ELMO3: variants seen among roughly 807,000 people sequenced by gnomAD.
ELMO3 encodes the protein engulfment and cell motility 3, also known as engulfment and cell motility protein 3.
In ELMO3, 81 loss-of-function variants were observed where a neutral mutation model predicts 89.0. The observed-to-expected ratio is 0.91, with a 90% CI of 0.76 to 1.09. The LOEUF (loss-of-function observed/expected upper bound fraction) is 1.09, where lower values mean the gene tolerates loss of function less well. Ranked by LOEUF, ELMO3 falls within the 50% of genes least tolerant of loss-of-function variation. ELMO3 has a pLI of 0.00. For synonymous variants in ELMO3, 406 were observed against 400.6 expected (o/e 1.01, Z -0.16); for missense variants, 959 against 972.8 (o/e 0.99, Z 0.19).
At chr16:67,200,384 T>C (rs760944768) in intron 5 of ELMO3, 23 bp downstream of exon 5, 12 of 1,612,272 alleles carry the variant, frequency 7.4e-6, no homozygotes, top group Non-Finnish European at 1.0e-5. Context: ...ATGTGTGGGC[T>C]GGGGGAGATG....
At chr16:67,199,845 C>T (rs556059246) in intron 3 of ELMO3, 89 bp downstream of exon 3, 2 of 1,603,036 alleles carry the variant, frequency 1.2e-6, no homozygotes, top group East Asian at 2.2e-5. Flanking sequence ...ATCCCACTAC[C>T]GGAGCGCGAT....
chr16:67,203,504 A>T lies in ELMO3; in HGVS notation c.1871A>T (p.Tyr624Phe). The change falls in exon 19 of 20, where the codon TAT becomes TTT. Residue 624 changes from tyrosine to phenylalanine, a missense_variant. Coordinates refer to ENST00000393997, the MANE Select transcript of ELMO3 (RefSeq NM_024712.5). This position sits in a 1 kb window ranked among gnomAD's most constrained non-coding sequence, Gnocchi z 4.6. ...GCTCCCTTGCTTCCCCAGGACCTCT[A>T]TGAGTTGGCCTTCTCAATCAGCTAT... is the stretch of plus-strand genomic sequence containing the variant. ...KGSGKQNKDL[Y>F]ELAFSISYDR... 6.2e-7 allele frequency: 1 copy of T among 1,612,736 alleles called. No homozygotes were observed. Among genetic ancestry groups the T allele is most frequent in the Non-Finnish European group, 8.5e-7 (1 of 1,179,696 alleles).
In ELMO3 at chr16:67,203,830, C is replaced by A; in HGVS notation, c.2116C>A (p.Pro706Thr). Residue 706 changes from proline to threonine, a missense_variant, in exon 20 of 20, where the codon CCC (proline) becomes ACC (threonine). By Grantham distance (38) the Pro-to-Thr change is conservative. Transcript: ENST00000393997. The surrounding 1 kb of genome is among the most constrained non-coding windows in gnomAD (Gnocchi z 4.6). Reference sequence around the variant, plus strand: ...GCGGCCACCCCCTGTGCCCCCACCCCCCACCAACTTCAACTTCTGCTATGA... The same window carrying A: ...GCGGCCACCCCCTGTGCCCCCACCCACCACCAACTTCAACTTCTGCTATGA... ...PERPPPVPPP[P>T]TNFNFCYDCS... The A allele has an allele frequency of 6.2e-7, 1 of 1,604,848 alleles. No homozygotes were observed. Among genetic ancestry groups the A allele is most frequent in the Admixed American group, 1.7e-5 (1 of 59,682 alleles).
At chr16:67,201,053 T>TC (rs1265725943) in intron 8 of ELMO3, 85 bp downstream of exon 8, 2 of 1,397,792 alleles carry the variant, frequency 1.4e-6, no homozygotes, top group African/African-American at 3.0e-5. Flanking sequence ...GCCCCCCTTT[T>TC]TTTTTTTTTT....
Position 67,202,461 on chromosome 16 carries a change from C to A in ELMO3, c.1326C>A (p.Leu442=). The change falls in exon 14 of 20, where the codon CTC becomes CTA. Residue 442 remains leucine (L), a synonymous_variant. Coordinates refer to ENST00000393997, the MANE Select transcript of ELMO3 (RefSeq NM_024712.5). ...GCCAAGACCAGAGCTTCCACGAGCTCTTCTGTGTGGGCATCCAGCTGTTGA... is the reference window on the plus strand; with the variant it reads ...GCCAAGACCAGAGCTTCCACGAGCTATTCTGTGTGGGCATCCAGCTGTTGA... ...FFGQDQSFHE[L]FCVGIQLLNK... The A allele has an allele frequency of 5.0e-6, 8 of 1,613,588 alleles. No individual in the cohort carries two copies. Among genetic ancestry groups the A allele is most frequent in the Non-Finnish European group, 6.8e-6 (8 of 1,180,024 alleles).
chr16:67,203,858 G>T lies in ELMO3; in HGVS notation c.2144G>T (p.Cys715Phe), dbSNP rs561688262. The T allele has an allele frequency of 8.8e-6, 14 of 1,588,648 alleles. No individual in the cohort carries two copies. The East Asian group carries it at 3.2e-4, about 36-fold the overall frequency. Reference protein sequence around the residue: ...PPTNFNFCYDCSIAEP With the variant: ...PPTNFNFCYDFSIAEP ...ACCAACTTCAACTTCTGCTATGACT[G>T]CAGCATCGCTGAACCTTGACAGTGT... The change falls in exon 20 of 20, where the codon TGC (cysteine) becomes TTC (phenylalanine). Residue 715 changes from cysteine (C) to phenylalanine (F), a missense_variant. Coordinates refer to ENST00000393997, the MANE Select transcript of ELMO3 (RefSeq NM_024712.5). The surrounding 1 kb of genome is among the most constrained non-coding windows in gnomAD (Gnocchi z 4.6).
chr16:67,200,068 C>A, intron 4 of ELMO3, 67 bp downstream of exon 4: 1 of 1,569,132 alleles, frequency 6.4e-7, no homozygotes, highest in Non-Finnish European at 8.6e-7. Context: ...GGCCCCCCGC[C>A]CCGGAGGCCC....
intron 1 of ELMO3, 72 bp downstream of exon 1, chr16:67,199,476 G>GGGGCC: frequency 2.0e-6 from 3 of 1,503,590 alleles, no homozygotes; most frequent in Non-Finnish European, 2.7e-6. Context: ...CCTCGGGGCA[G>GGGGCC]CCCGCCCCAC....
Position 67,202,712 on chromosome 16 carries a change from C to A in ELMO3, c.1484C>A (p.Ala495Glu), listed in dbSNP as rs188685815. Residue 495 changes from alanine to glutamate, a missense_variant, in exon 15 of 20, where the codon GCG becomes GAG. Physicochemically the swap from Ala to Glu is moderately radical, Grantham distance 107 (BLOSUM62 -1). Transcript: ENST00000393997. ...SLELFRTKVN[A>E]LTYGEVLRLR... ...GAGCTCTTCCGAACCAAGGTGAATG[C>A]GCTCACTTATGGGGAGGTGCTGCGG... 1.2e-6 allele frequency: 2 copies of A among 1,613,702 alleles called. No homozygotes were observed. The highest frequency in any genetic ancestry group is 2.7e-5 in the African/African-American group (2 of 75,014).
rs1268730208 is a variant in ELMO3, at chr16:67,200,546, G to A, written c.509G>A (p.Arg170Lys). 1.9e-6 allele frequency: 3 copies of A among 1,613,596 alleles called. No homozygotes were observed. The highest frequency in any genetic ancestry group is 1.3e-5 in the African/African-American group (1 of 74,880). Reference sequence around the variant, plus strand: ...GAGACTCTGAGCATCCCCTTTGTGAGGAAGGTGGGTGGGCTTTCCTAGGGC... The same window carrying A: ...GAGACTCTGAGCATCCCCTTTGTGAAGAAGGTGGGTGGGCTTTCCTAGGGC... ...SWETLSIPFV[R>K]KVVCYVNMNL... The change falls in exon 6 of 20, where the codon AGG becomes AAG. Residue 170 changes from arginine (R) to lysine (K), a missense_variant. Transcript: ENST00000393997.
chr16:67,202,224 G>A lies in ELMO3; in HGVS notation c.1201G>A (p.Ala401Thr), dbSNP rs762491613. The A allele has an allele frequency of 3.7e-6, 6 of 1,605,666 alleles. No individual in the cohort carries two copies. The highest frequency in any genetic ancestry group is 4.3e-6 in the Non-Finnish European group (5 of 1,174,360). The change falls in exon 13 of 20, where the codon GCC becomes ACC. Residue 401 changes from alanine to threonine, a missense_variant. Transcript: ENST00000393997. The part of the protein sequence containing the change: ...SREDKHECPF[A>T]RGSIQLTVLL... ...CGAGGACAAGCACGAGTGCCCCTTT[G>A]CCCGGGGCAGCATCCAGCTGACGGT...
Position 67,200,509 on chromosome 16 carries a change from G to A in ELMO3, c.472G>A (p.Val158Met), listed in dbSNP as rs199678800. The A allele has an allele frequency of 7.4e-6, 12 of 1,613,804 alleles. No individual in the cohort carries two copies. Among genetic ancestry groups the A allele is most frequent in the South Asian group, 6.6e-5 (6 of 91,076 alleles). Reference protein sequence around the residue: ...RAFSELMEHGVVSWETLSIPF... With the variant: ...RAFSELMEHGMVSWETLSIPF... ...CTTCTCAGAGCTCATGGAGCACGGCGTGGTGTCCTGGGAGACTCTGAGCAT... is the reference window on the plus strand; with the variant it reads ...CTTCTCAGAGCTCATGGAGCACGGCATGGTGTCCTGGGAGACTCTGAGCAT... The change falls in exon 6 of 20, where the codon GTG becomes ATG. Residue 158 changes from valine (V) to methionine (M), a missense_variant. Physicochemically the swap from Val to Met is conservative, Grantham distance 21 (BLOSUM62 1). Transcript: ENST00000393997.
chr16:67,200,766 A>G lies in ELMO3; in HGVS notation c.623A>G (p.Lys208Arg). ...LSSPALGQLV[K>R]SEVPLDRLLV... ...AGCCCAGCCCTGGGCCAGCTGGTCA[A>G]GAGCGAGGTGCCCCTGGATAGGCTG... The change falls in exon 7 of 20, where the codon AAG becomes AGG. Residue 208 changes from lysine (K) to arginine (R), a missense_variant. Lys to Arg is a conservative substitution (Grantham distance 26). Transcript: ENST00000393997. The G allele has an allele frequency of 6.2e-7, 1 of 1,613,602 alleles. No homozygotes were observed. The highest frequency in any genetic ancestry group is 8.5e-7 in the Non-Finnish European group (1 of 1,179,934).
chr16:67,201,158 G>A (rs1489034787), intron 8 of ELMO3, among the ~76,000 whole-genome samples, 190 bp downstream of exon 8: 30 of 149,386 alleles, frequency 2.0e-4, no homozygotes, highest in African/African-American at 7.5e-4. Context: ...CCATTCTCCT[G>A]CCTCAGCCTC....
At position 67,203,276 on chromosome 16, in the gene ELMO3, G is replaced by A; in HGVS notation, c.1781-51G>A. On this transcript the variant is annotated intron_variant, in intron 17 of 19. Transcript: ENST00000393997. The surrounding 1 kb of genome is among the most constrained non-coding windows in gnomAD (Gnocchi z 4.6). ...TACCTGCTCTCCCCAGACCGCCCTG[G>A]GCCCCGGGGCTGCCAGGGCTGCAGT... The A allele has an allele frequency of 1.9e-6, 3 of 1,588,654 alleles. No individual in the cohort carries two copies. In the South Asian group the frequency reaches 3.4e-5, roughly 18 times the overall value.
In ELMO3 at chr16:67,200,977, C is replaced by T. The variant is rs375741165; in HGVS notation, c.744+9C>T. On this transcript the variant is annotated intron_variant, in intron 8 of 19. Transcript: ENST00000393997. The stretch of plus-strand genomic sequence containing the variant: ...GCCCTGTGGAACGCAAGGTGAGTGT[C>T]GATCGGTGGCTAGATGGGGGCAGCA... 1.7e-5 allele frequency: 27 copies of T among 1,589,676 alleles called. No homozygotes were observed. The highest frequency in any genetic ancestry group is 2.0e-5 in the Non-Finnish European group (24 of 1,173,872).
Position 67,200,815 on chromosome 16 carries a change from C to T in ELMO3, c.665+7C>T. On this transcript the variant is annotated splice_region_variant and intron_variant, in intron 7 of 19. Coordinates refer to ENST00000393997, the MANE Select transcript of ELMO3 (RefSeq NM_024712.5). ...TGCTGGTGCACCTACAGGTGTAAGC[C>T]TCTGGGGCTGGGGTCCAGATGCAGG... The T allele has an allele frequency of 6.2e-7, 1 of 1,613,178 alleles. No homozygotes were observed. Among genetic ancestry groups the T allele is most frequent in the South Asian group, 1.1e-5 (1 of 91,024 alleles).
In ELMO3 at chr16:67,200,461, GTGCTGGCCCTCAGC is replaced by G; in HGVS notation, c.425_438del (p.Val142AlafsTer69). 6.2e-7 allele frequency: 1 copy of G among 1,613,322 alleles called. No individual in the cohort carries two copies. ...ATGTCCCCCCTCCAGCCTAGGAGAGGTGCTGGCCCTCAGCCTGAGGGCCTTCTCAGAGCTCATGG... is the reference window on the plus strand; with the variant it reads ...ATGTCCCCCCTCCAGCCTAGGAGAGGCTGAGGGCCTTCTCAGAGCTCATGG... On this transcript the variant is annotated frameshift_variant, in exon 6 of 20. Transcript: ENST00000393997. LOFTEE classifies it high-confidence loss of function.
Position 67,203,750 on chromosome 16 carries a change from T to A in ELMO3, c.2036T>A (p.Leu679Gln), listed in dbSNP as rs2033182756. 6.2e-7 allele frequency: 1 copy of A among 1,613,370 alleles called. No homozygotes were observed. Among genetic ancestry groups the A allele is most frequent in the African/African-American group, 1.3e-5 (1 of 74,922 alleles). Residue 679 changes from leucine to glutamine, a missense_variant, in exon 20 of 20, where the codon CTG becomes CAG. Transcript: ENST00000393997. The surrounding 1 kb of genome is among the most constrained non-coding windows in gnomAD (Gnocchi z 4.6). ...ACACGGCTGGACCTGGAGCAGCTGC[T>A]GACCATGGAGACCAAGCTGCGTCTG... Reference protein sequence around the residue: ...EQTRLDLEQLLTMETKLRLLE... With the variant: ...EQTRLDLEQLQTMETKLRLLE...
Sources: allele counts gnomAD v4.1 joint callset (sites outside exome capture counted in the v4.1 genomes callset), GRCh38; gene constraint gnomAD v4.1.1; non-coding constraint Gnocchi (gnomAD v3.1); transcripts MANE v1.5; gene names NCBI Gene and HGNC (gene_info 2026-07-23, HGNC 2026-07-21).